Variants in PDE1C observed in about 807,000 individuals in gnomAD.
The protein encoded by PDE1C is dual specificity calcium/calmodulin-dependent 3',5'-cyclic nucleotide phosphodiesterase 1C.
In PDE1C, 62 loss-of-function variants were observed where a neutral mutation model predicts 93.1. The ratio of observed to expected loss-of-function variants is 0.67; its 90% CI spans 0.54 to 0.82. The LOEUF is 0.82. Ranked by LOEUF, PDE1C falls within the 40% of genes least tolerant of loss-of-function variation. The pLI, the probability that PDE1C is intolerant of heterozygous loss-of-function variation, is 0.00. For missense variants in PDE1C, 742 were observed against 884.6 expected (o/e 0.84, Z 2.04); for synonymous variants, 325 against 310.1 (o/e 1.05, Z -0.50).
chr7:32,394,067 T>C (rs1441653846), intron 1 of PDE1C, among the ~76,000 whole-genome samples: 1 of 152,222 alleles, frequency 6.6e-6, no homozygotes, highest in African/African-American at 2.4e-5. Context: ...TGTACAAAGC[T>C]GTTGTGGACA....
At chr7:32,129,181 A>G (rs1333310799) in intron 3 of PDE1C, among the ~76,000 whole-genome samples, 2 of 151,246 alleles carry the variant, frequency 1.3e-5, no homozygotes, top group East Asian at 3.9e-4. Context: ...ACTGTGTTTA[A>G]TCTGTTGGTT....
At chr7:32,009,916 A>T (rs1302797028) in intron 2 of PDE1C, among the ~76,000 whole-genome samples, 1 of 152,228 alleles carries the variant, frequency 6.6e-6, no homozygotes, top group Non-Finnish European at 1.5e-5. Flanking sequence ...GTTGAAATTT[A>T]AAAATACCAT....
At chr7:32,425,452 T>C (rs1785508184) in intron 1 of PDE1C, among the ~76,000 whole-genome samples, 1 of 152,220 alleles carries the variant, frequency 6.6e-6, no homozygotes, top group Admixed American at 6.5e-5. Flanking sequence ...ACTCAGAATG[T>C]AATTTTTAAT....
At chr7:31,655,328 T>G in the PDE1C span, among the ~76,000 whole-genome samples, 1 of 152,160 alleles carries the variant, frequency 6.6e-6, no homozygotes, top group East Asian at 1.9e-4. Context: ...ACACCAATGC[T>G]GAGTCTACTG....
chr7:32,190,689 G>T (rs1185451731), intron 2 of PDE1C, among the ~76,000 whole-genome samples: 2 of 152,082 alleles, frequency 1.3e-5, no homozygotes, highest in Non-Finnish European at 2.9e-5. Flanking sequence ...GAACACCTAC[G>T]ATACACTGAC....
intron 16 of PDE1C, chr7:31,790,296 C>T: frequency 1.3e-6 from 2 of 1,574,380 alleles, no homozygotes; most frequent in African/African-American, 2.7e-5. Flanking sequence ...AGTGTCAATG[C>T]TGCCTTTCCC....
chr7:31,633,483 A>G, the PDE1C span, among the ~76,000 whole-genome samples: 731 of 152,334 alleles, frequency 4.8e-3, 1 homozygote, highest in Middle Eastern at 0.01. Flanking sequence ...CCTGGGGAAC[A>G]TAGAGAGGTT....
chr7:32,317,986 A>T (rs1362931536), intron 1 of PDE1C, among the ~76,000 whole-genome samples: 1 of 152,130 alleles, frequency 6.6e-6, no homozygotes, highest in Non-Finnish European at 1.5e-5. Context: ...CCATAAAGAG[A>T]CAGGGTCAGA....
intron 2 of PDE1C, among the ~76,000 whole-genome samples, chr7:31,997,358 T>C (rs1262266989): frequency 1.3e-5 from 2 of 152,294 alleles, no homozygotes; most frequent in African/African-American, 4.8e-5. Context: ...GCTTAAGAAA[T>C]GTTGGTTCCA....
At chr7:31,889,843 C>T (rs567790215) in intron 2 of PDE1C, among the ~76,000 whole-genome samples, 2 of 152,184 alleles carry the variant, frequency 1.3e-5, no homozygotes, top group Admixed American at 1.3e-4. Context: ...TGTTCCTTTG[C>T]ACTTCTTATC....
At chr7:31,978,465 T>C (rs549414437) in intron 2 of PDE1C, among the ~76,000 whole-genome samples, 30 of 152,332 alleles carry the variant, frequency 2.0e-4, no homozygotes, top group African/African-American at 6.5e-4. Flanking sequence ...GTGTGCTTGC[T>C]AAGTAGGCCA....
chr7:31,940,809 A>T (rs920412253), intron 2 of PDE1C, among the ~76,000 whole-genome samples: 1 of 152,250 alleles, frequency 6.6e-6, no homozygotes, highest in Middle Eastern at 3.4e-3. Flanking sequence ...AGGTGGATCC[A>T]GTTTCACTCT....
intron 3 of PDE1C, among the ~76,000 whole-genome samples, chr7:32,160,708 G>C (rs1386643694): frequency 6.6e-6 from 1 of 152,120 alleles, no homozygotes; most frequent in Non-Finnish European, 1.5e-5. Context: ...TGGGCGTGAG[G>C]CTGAGGCACG....
At chr7:31,878,856 A>C (rs759451124) in intron 4 of PDE1C, 140 bp downstream of exon 4, 3 of 776,376 alleles carry the variant, frequency 3.9e-6, no homozygotes, top group Non-Finnish European at 6.2e-6. Flanking sequence ...GCCATTTCTC[A>C]TTCAAGACTA....
Position 32,086,320 on chromosome 7 carries a change from G to C in PDE1C, c.308+83465C>G, listed in dbSNP as rs1240650874. Among the ~76,000 whole-genome samples the C allele has an allele frequency of 4.6e-5, 7 of 152,166 alleles. No individual in the cohort carries two copies. In the South Asian group the frequency reaches 1.5e-3, roughly 32 times the overall value. On this transcript the variant is annotated intron_variant, in intron 3 of 18. Coordinates refer to the PDE1C transcript ENST00000396193. ...CAGGGACATGAAGGACCTCTTCAAGGAGAACTACAAACCACTGCTCAATGA... is the reference window on the plus strand; with the variant it reads ...CAGGGACATGAAGGACCTCTTCAAGCAGAACTACAAACCACTGCTCAATGA...
the PDE1C span, among the ~76,000 whole-genome samples, chr7:31,634,700 T>C: frequency 1.3e-5 from 2 of 151,980 alleles, no homozygotes; most frequent in African/African-American, 4.8e-5. Context: ...ATGAAAAAAA[T>C]TGTGCAGGGC....
chr7:32,200,442 A>C lies in PDE1C; in HGVS notation c.136+9047T>G, dbSNP rs1356579444. ...CTTTTCCTCAAGAGCCAGAAAAGCCAAGCAAGTTACCTTATTACCCCTCTA... is the reference window on the plus strand; with the variant it reads ...CTTTTCCTCAAGAGCCAGAAAAGCCCAGCAAGTTACCTTATTACCCCTCTA... On this transcript the variant is annotated intron_variant, in intron 2 of 18. Coordinates refer to the PDE1C transcript ENST00000396193. Among the ~76,000 whole-genome samples, 6 of 152,326 alleles carry C rather than the reference A, an allele frequency of 3.9e-5. No homozygotes were observed. The East Asian group carries it at 1.2e-3, about 29-fold the overall frequency.
chr7:31,686,641 T>C, the PDE1C span: 1 of 152,248 alleles, frequency 6.6e-6, no homozygotes, highest in Non-Finnish European at 1.5e-5. Flanking sequence ...TGGTAACTCT[T>C]GAGCCCCAGC....
At chr7:31,656,635 C>A in the PDE1C span, 1 of 309,502 alleles carries the variant, frequency 3.2e-6, no homozygotes, top group Non-Finnish European at 4.7e-6. Context: ...AGAGAATGAA[C>A]TGACTATGGT....
Sources: gnomAD v4.1 joint callset for allele counts (sites outside exome capture counted in the v4.1 genomes callset) on GRCh38, gnomAD v4.1.1 for gene constraint, MANE v1.5 for transcripts, NCBI Gene and HGNC (gene_info 2026-07-23, HGNC 2026-07-21) for gene names.